The following ABTB3 variants were observed in gnomAD, a reference collection of about 807,000 sequenced individuals.
ABTB3 encodes ankyrin repeat and BTB domain containing 3.
At chr12:107,556,130 T>C in the ABTB3 span, among the ~76,000 whole-genome samples, 1 of 151,698 alleles carries the variant, frequency 6.6e-6, no homozygotes, top group Non-Finnish European at 1.5e-5. Flanking sequence ...AGTTTCGCTC[T>C]TGTTGCCAGG....
the ABTB3 span, among the ~76,000 whole-genome samples, chr12:107,565,438 C>G: frequency 2.4e-4 from 36 of 152,282 alleles, no homozygotes; most frequent in African/African-American, 8.2e-4. Flanking sequence ...ACTTCCACCC[C>G]TGCTATTTCA....
the ABTB3 span, among the ~76,000 whole-genome samples, chr12:107,580,368 A>C: frequency 6.6e-6 from 1 of 152,262 alleles, no homozygotes. Context: ...AATGCGTTGC[A>C]CTTAGAAAGT....
chr12:107,429,455 G>A, the ABTB3 span, among the ~76,000 whole-genome samples: 1 of 152,128 alleles, frequency 6.6e-6, no homozygotes, highest in Admixed American at 6.5e-5. Context: ...TAGGGAAATC[G>A]AGTGTGCAGT....
chr12:107,591,733 G>C, the ABTB3 span, among the ~76,000 whole-genome samples: 1 of 152,204 alleles, frequency 6.6e-6, no homozygotes, highest in African/African-American at 2.4e-5. Context: ...ATCTCCACAA[G>C]ATGGCAGGAA....
the ABTB3 span, chr12:107,520,150 G>T: frequency 1.1e-6 from 1 of 883,264 alleles, no homozygotes; most frequent in Non-Finnish European, 1.4e-6. Flanking sequence ...GGAGTGACCT[G>T]ACCACCAGAG....
At chr12:107,643,913 T>C in the ABTB3 span, among the ~76,000 whole-genome samples, 84 of 151,962 alleles carry the variant, frequency 5.5e-4, 2 homozygotes, top group South Asian at 0.017. Context: ...ACAGAAGTAT[T>C]TCATCACACC....
At chr12:107,585,177 T>C in the ABTB3 span, among the ~76,000 whole-genome samples, 1 of 152,130 alleles carries the variant, frequency 6.6e-6, no homozygotes, top group Non-Finnish European at 1.5e-5. Flanking sequence ...ATAAAGATGG[T>C]CAGGGGTGTT....
chr12:107,494,792 C>T, the ABTB3 span, among the ~76,000 whole-genome samples: 12 of 152,182 alleles, frequency 7.9e-5, no homozygotes, highest in Non-Finnish European at 1.5e-4. Context: ...GAGGGCTCTG[C>T]GCTGCAGCCG....
At chr12:107,646,586 C>T in the ABTB3 span, among the ~76,000 whole-genome samples, 1 of 152,126 alleles carries the variant, frequency 6.6e-6, no homozygotes, top group Non-Finnish European at 1.5e-5. Context: ...TGTTATTGCA[C>T]AAATTCTCAG....
the ABTB3 span, among the ~76,000 whole-genome samples, chr12:107,578,751 A>T: frequency 6.6e-6 from 1 of 152,178 alleles, no homozygotes; most frequent in Non-Finnish European, 1.5e-5. Flanking sequence ...AGTTTAGGTG[A>T]TGGAGAGAAT....
At chr12:107,346,366 C>T in the ABTB3 span, among the ~76,000 whole-genome samples, 2 of 152,142 alleles carry the variant, frequency 1.3e-5, no homozygotes, top group Non-Finnish European at 1.5e-5. Context: ...CAGGAAATGG[C>T]CCCTTGTGAT....
chr12:107,463,676 A>G, the ABTB3 span, among the ~76,000 whole-genome samples: 1 of 152,216 alleles, frequency 6.6e-6, no homozygotes, highest in Non-Finnish European at 1.5e-5. Flanking sequence ...TGATAACATC[A>G]GCAATAGCAA....
At chr12:107,504,257 T>C in the ABTB3 span, among the ~76,000 whole-genome samples, 27,295 of 152,114 alleles carry the variant, frequency 0.18, 3,764 homozygotes, top group East Asian at 0.37. Flanking sequence ...TTTATATCAG[T>C]GTGCACATGC....
At chr12:107,377,455 T>A in the ABTB3 span, among the ~76,000 whole-genome samples, 1 of 141,918 alleles carries the variant, frequency 7.0e-6, no homozygotes, top group Non-Finnish European at 1.6e-5. Context: ...GTGTGTCCCA[T>A]GTATACTCCG....
chr12:107,484,070 T>G, the ABTB3 span, among the ~76,000 whole-genome samples: 122 of 152,306 alleles, frequency 8.0e-4, 1 homozygote, highest in African/African-American at 2.8e-3. Context: ...GTAAGTCCTT[T>G]GGTGGCTGTC....
the ABTB3 span, among the ~76,000 whole-genome samples, chr12:107,573,042 C>T: frequency 6.6e-6 from 1 of 152,202 alleles, no homozygotes; most frequent in South Asian, 2.1e-4. Flanking sequence ...TATGTAATCA[C>T]TCATAAGTGG....
the ABTB3 span, among the ~76,000 whole-genome samples, chr12:107,424,459 A>G: frequency 1.3e-5 from 2 of 152,212 alleles, no homozygotes; most frequent in African/African-American, 2.4e-5. Context: ...AGGAAGATGC[A>G]GTGAAAGAAT....
At chr12:107,469,916 T>TTCTTTCTTTCTC in the ABTB3 span, among the ~76,000 whole-genome samples, 2 of 110,636 alleles carry the variant, frequency 1.8e-5, no homozygotes, top group African/African-American at 4.1e-5. Context: ...CTTTCTTTCT[T>TTCTTTCTTTCTC]TCTTTCTCTC....
the ABTB3 span, among the ~76,000 whole-genome samples, chr12:107,549,691 A>C: frequency 6.6e-6 from 1 of 152,220 alleles, no homozygotes; most frequent in Non-Finnish European, 1.5e-5. Flanking sequence ...CCTGGAGGAA[A>C]CCTTATAAAA....
Sources: gnomAD v4.1 joint callset for allele counts (sites outside exome capture counted in the v4.1 genomes callset) on GRCh38, gnomAD v4.1.1 for gene constraint, MANE v1.5 for transcripts, NCBI Gene and HGNC (gene_info 2026-07-23, HGNC 2026-07-21) for gene names.